The following SH3D21 variants were observed in gnomAD, a reference collection of about 807,000 sequenced individuals.
The protein encoded by SH3D21 is manchette microtubule inner protein 1.
In SH3D21, 83 loss-of-function variants were observed where a neutral mutation model predicts 82.1. The ratio of observed to expected loss-of-function variants is 1.01; its 90% CI spans 0.85 to 1.21. The LOEUF is 1.21. Among genes scored for constraint, SH3D21 ranks in the 50% most tolerant of loss-of-function variants. The pLI is 0.00. For synonymous variants in SH3D21, 383 were observed against 387.8 expected (o/e 0.99, Z 0.15); for missense variants, 980 against 962.1 (o/e 1.02, Z -0.25).
In SH3D21 at chr1:36,320,513, T is replaced by C. The variant is rs1287077718; in HGVS notation, c.1850T>C (p.Leu617Pro). Residue 617 changes from leucine to proline, a missense_variant, in exon 14 of 16, where the codon CTC becomes CCC. By Grantham distance (98) the Leu-to-Pro change is moderately conservative. Coordinates refer to ENST00000453908, the MANE Select transcript of SH3D21 (RefSeq NM_001162530.2). Reference protein sequence around the residue: ...NEQRPLREEVLPKEGVASKEE... With the variant: ...NEQRPLREEVPPKEGVASKEE... ...CAGAGGCCTCTGAGAGAGGAGGTGC[T>C]CCCCAAAGAGGGAGTGGCTTCCAAA... 3.7e-6 allele frequency: 6 copies of C among 1,613,504 alleles called. No homozygotes were observed. Among genetic ancestry groups the C allele is most frequent in the East Asian group, 2.2e-5 (1 of 44,850 alleles).
intron 10 of SH3D21, among the ~76,000 whole-genome samples, chr1:36,316,479 C>T (rs1646345669): frequency 6.6e-6 from 1 of 152,248 alleles, no homozygotes; most frequent in African/African-American, 2.4e-5. Flanking sequence ...AGGTGATCCA[C>T]TTGCCTCGGT....
chr1:36,329,652 G>T (rs142742918), downstream of SH3D21, among the ~76,000 whole-genome samples: 59 of 152,124 alleles, frequency 3.9e-4, no homozygotes, highest in African/African-American at 8.7e-4. Context: ...TTGAACAGGG[G>T]AGACGGGCAT....
At position 36,306,796 on chromosome 1, in the gene SH3D21, C is replaced by A; in HGVS notation, c.162+41C>A. On this transcript the variant is annotated intron_variant, in intron 2 of 15. Transcript: ENST00000453908. This position sits in a 1 kb window ranked among gnomAD's most constrained non-coding sequence, Gnocchi z 4.5. ...GGGCGGGCTGTGGGGTCTCAGCGCG[C>A]GCCCCCCGGGAGCTGAGAGCGCCTT... 7.7e-7 allele frequency: 1 copy of A among 1,291,596 alleles called. No homozygotes were observed. The highest frequency in any genetic ancestry group is 1.0e-6 in the Non-Finnish European group (1 of 987,704). 80.0% of individuals were successfully genotyped at this position (1,291,596 alleles called of 1,614,324 possible). A position where few individuals can be genotyped will look rare whatever the true frequency, so the allele number is the denominator to read the frequency against.
chr1:36,322,452 G>A, downstream of SH3D21: 1 of 1,604,750 alleles, frequency 6.2e-7, no homozygotes. Context: ...CTCCGCCGAC[G>A]TGAAGACGTT....
chr1:36,313,470 TAAAG>T (rs1437647397), intron 10 of SH3D21, among the ~76,000 whole-genome samples: 1 of 152,180 alleles, frequency 6.6e-6, no homozygotes, highest in African/African-American at 2.4e-5. Flanking sequence ...CTTTAATAGT[TAAAG>T]AAAAGTCAGG....
At chr1:36,317,708 C>T (rs1307752971) in intron 10 of SH3D21, among the ~76,000 whole-genome samples, 3 of 152,042 alleles carry the variant, frequency 2.0e-5, no homozygotes, top group South Asian at 2.1e-4. Flanking sequence ...GGATTACAGG[C>T]GCACGCCACC....
downstream of SH3D21, chr1:36,322,997 C>A (rs1646494189): frequency 2.5e-6 from 4 of 1,605,498 alleles, no homozygotes; most frequent in Non-Finnish European, 3.4e-6. Context: ...GGCAGCCAGG[C>A]TGTTGCTGAG....
Position 36,319,695 on chromosome 1 carries a change from G to T in SH3D21, c.1032G>T (p.Pro344=). ...VSSQEEEHSS[P]VKAPSVKRTP... ...GGCAGGAGGAAGAGCACAGCAGCCC[G>T]GTAAAGGCCCCCTCTGTGAAGAGAA... Residue 344 remains proline, a synonymous_variant, in exon 14 of 16, where the codon CCG becomes CCT. Transcript: ENST00000453908. The T allele has an allele frequency of 6.3e-7, 1 of 1,590,766 alleles. No individual in the cohort carries two copies. Among genetic ancestry groups the T allele is most frequent in the Non-Finnish European group, 8.5e-7 (1 of 1,169,670 alleles).
At chr1:36,315,515 A>G (rs1416711725) in intron 10 of SH3D21, among the ~76,000 whole-genome samples, 1 of 151,790 alleles carries the variant, frequency 6.6e-6, no homozygotes, top group African/African-American at 2.4e-5. Context: ...ATGCCCGGCT[A>G]ATTTTTTTAT....
rs1306347434 is a variant in SH3D21, at chr1:36,306,620, C to A, written c.27C>A (p.Tyr9Ter). The A allele has an allele frequency of 7.7e-7, 1 of 1,302,706 alleles. No individual in the cohort carries two copies. Among genetic ancestry groups the A allele is most frequent in the East Asian group, 5.6e-5 (1 of 18,008 alleles). 80.7% of individuals were successfully genotyped at this position (1,302,706 alleles called of 1,614,324 possible). Residue 9 changes from tyrosine (Y) to a stop codon, truncating the protein, a stop_gained, in exon 2 of 16, where the codon TAC (tyrosine) becomes TAA (stop). Transcript: ENST00000453908. LOFTEE classifies it high-confidence loss of function. The surrounding 1 kb of genome is among the most constrained non-coding windows in gnomAD (Gnocchi z 4.5). MEVLVLAG[Y>*]RAQKEDELSL... Reference sequence around the variant, plus strand: ...CAGAAGTCCTCGTCCTGGCCGGATACCGCGCGCAGAAGGAGGACGAGCTGA... The same window carrying A: ...CAGAAGTCCTCGTCCTGGCCGGATAACGCGCGCAGAAGGAGGACGAGCTGA...
chr1:36,318,898 AAATAATAATAATAATAAT>A lies in SH3D21; in HGVS notation c.770-147_770-130del, dbSNP rs58567392. ...GGCGACAGAAGCAAGACTCCATCTC[AAATAATAATAATAATAAT>A]AATAATAATAATAATAATAATAATA... On this transcript the variant is annotated intron_variant, in intron 10 of 15. Coordinates refer to ENST00000453908, the MANE Select transcript of SH3D21 (RefSeq NM_001162530.2). Among the ~76,000 whole-genome samples, 1,382 of 140,408 alleles carry A rather than the reference AAATAATAATAATAATAAT, an allele frequency of 9.8e-3. 22 individuals are homozygous for A. Among genetic ancestry groups the A allele is most frequent in the African/African-American group, 0.034 (1,293 of 37,602 alleles). 92.1% of individuals were successfully genotyped at this position (140,408 alleles called of 152,430 possible). A position where few individuals can be genotyped will look rare whatever the true frequency, so the allele number is the denominator to read the frequency against.
In SH3D21 at chr1:36,307,309, G is replaced by C; in HGVS notation, c.345+24G>C. The C allele has an allele frequency of 6.4e-7, 1 of 1,551,316 alleles. No homozygotes were observed. Among genetic ancestry groups the C allele is most frequent in the South Asian group, 1.2e-5 (1 of 84,028 alleles). The stretch of plus-strand genomic sequence containing the variant: ...AGGTGAGGGGTGAGGTGATGGGACC[G>C]TTTGGGGGAGGATGATGGAACGCGC... On this transcript the variant is annotated intron_variant, in intron 4 of 15. Coordinates refer to ENST00000453908, the MANE Select transcript of SH3D21 (RefSeq NM_001162530.2). The surrounding 1 kb of genome is among the most constrained non-coding windows in gnomAD (Gnocchi z 5.4).
At chr1:36,322,953 T>G (rs1646493408), downstream of SH3D21, 3 of 1,606,730 alleles carry the variant, frequency 1.9e-6, no homozygotes, top group East Asian at 6.7e-5. Context: ...CCCCCAGTCT[T>G]CCGGCGCCCG....
chr1:36,325,991 C>A (rs890748613), downstream of SH3D21, among the ~76,000 whole-genome samples: 4 of 152,144 alleles, frequency 2.6e-5, no homozygotes, highest in African/African-American at 9.7e-5. Flanking sequence ...TAGGGTAATG[C>A]GATGGACAAC....
intron 10 of SH3D21, among the ~76,000 whole-genome samples, chr1:36,312,318 C>T (rs1293336856): frequency 3.9e-5 from 6 of 152,264 alleles, no homozygotes; most frequent in East Asian, 1.9e-4. Context: ...CCACCGCACA[C>T]GGCCATAAGA....
rs1415955584 is a variant in SH3D21 at position 36,307,822 on chromosome 1, C to G, written c.489C>G (p.Pro163=). 3 of 1,551,784 alleles carry G rather than the reference C, an allele frequency of 1.9e-6. No individual in the cohort carries two copies. The highest frequency in any genetic ancestry group is 3.9e-5 in the Admixed American group (2 of 51,004). The change falls in exon 6 of 16, where the codon CCC becomes CCG. Residue 163 remains proline (P), a synonymous_variant. Coordinates refer to ENST00000453908, the MANE Select transcript of SH3D21 (RefSeq NM_001162530.2). The surrounding 1 kb of genome is among the most constrained non-coding windows in gnomAD (Gnocchi z 5.4). ...TCAGCCCTGGTCCCCAGCGGCCTCC[C>G]AAGGTAAGTTGGCTCAGAGTAGGCA... The part of the protein sequence containing the change: ...PSVSPGPQRP[P]KLSSLAYDSP...
chr1:36,319,507 A>G lies in SH3D21; in HGVS notation c.982A>G (p.Thr328Ala). Reference protein sequence around the residue: ...HPGRKRSKTQTPQQRSVSSQE... With the variant: ...HPGRKRSKTQAPQQRSVSSQE... ...TGGCCGAAAGCGATCCAAAACCCAGACTCCCCAGCAACGCTCTGTGTCCAG... is the reference window on the plus strand; with the variant it reads ...TGGCCGAAAGCGATCCAAAACCCAGGCTCCCCAGCAACGCTCTGTGTCCAG... Residue 328 changes from threonine to alanine, a missense_variant, in exon 13 of 16, where the codon ACT becomes GCT. Transcript: ENST00000453908. 1 of 1,551,102 alleles carries G rather than the reference A, an allele frequency of 6.4e-7. No individual in the cohort carries two copies. The highest frequency in any genetic ancestry group is 8.7e-7 in the Non-Finnish European group (1 of 1,146,882).
chr1:36,323,827 A>C (rs1047191858), downstream of SH3D21: 2 of 152,244 alleles, frequency 1.3e-5, no homozygotes, highest in Non-Finnish European at 2.9e-5. Context: ...CAGCAACAAC[A>C]GAGAGGCTGG....
At chr1:36,322,265 C>T (rs1179340972), downstream of SH3D21, 2 of 1,468,616 alleles carry the variant, frequency 1.4e-6, no homozygotes, top group Non-Finnish European at 1.8e-6. Context: ...TCCGGTACCC[C>T]GAGCGCCTTG....
Sources: allele counts gnomAD v4.1 joint callset (sites outside exome capture counted in the v4.1 genomes callset), GRCh38; gene constraint gnomAD v4.1.1; non-coding constraint Gnocchi (gnomAD v3.1); transcripts MANE v1.5; gene names NCBI Gene and HGNC (gene_info 2026-07-23, HGNC 2026-07-21).